Variants in INPP5B observed in about 807,000 individuals in gnomAD.
INPP5B encodes inositol polyphosphate-5-phosphatase B.
In INPP5B, 90 loss-of-function variants were observed where a neutral mutation model predicts 118.5. The observed-to-expected ratio is 0.76, with a 90% CI of 0.64 to 0.90. The LOEUF is 0.90. INPP5B is among the 40% of genes least tolerant of loss of function. INPP5B has a pLI of 0.00. For synonymous variants in INPP5B, 385 were observed against 418.9 expected (o/e 0.92, Z 0.99); for missense variants, 984 against 1,125.6 (o/e 0.87, Z 1.80).
chr1:37,883,617 C>A, intron 13 of INPP5B: 2 of 985,394 alleles, frequency 2.0e-6, no homozygotes, highest in Middle Eastern at 5.2e-4. Flanking sequence ...AAAATTAATG[C>A]ATCCACAAAC....
At chr1:37,874,613 C>T (rs919715118) in intron 17 of INPP5B, among the ~76,000 whole-genome samples, 1 of 152,148 alleles carries the variant, frequency 6.6e-6, no homozygotes, top group Non-Finnish European at 1.5e-5. Flanking sequence ...GCCTGGCCAA[C>T]ATGGCAAAAC....
chr1:37,870,901 T>A (rs911118652), intron 19 of INPP5B, among the ~76,000 whole-genome samples: 3 of 152,186 alleles, frequency 2.0e-5, no homozygotes, highest in African/African-American at 7.2e-5. Context: ...ATGCCTGTAA[T>A]CCCAACACTT....
At chr1:37,927,664 G>A (rs1200153637) in intron 7 of INPP5B, among the ~76,000 whole-genome samples, 1 of 151,598 alleles carries the variant, frequency 6.6e-6, no homozygotes, top group African/African-American at 2.4e-5. Flanking sequence ...AGCCTCCCGA[G>A]TAGCTGGGAC....
intron 7 of INPP5B, among the ~76,000 whole-genome samples, chr1:37,927,819 G>A (rs778775547): frequency 1.3e-5 from 2 of 152,072 alleles, no homozygotes; most frequent in South Asian, 2.1e-4. Flanking sequence ...TTACAGGCGT[G>A]AGCCACTGCG....
Position 37,873,025 on chromosome 1 carries a change from T to C in INPP5B, c.2092A>G (p.Asn698Asp). ...GACCCAAAACAGCTGGGCAGGTAGT[T>C]CCCAGACACAGACAAAAAGTAATCC... ...GKDYFLSVSG[N>D]YLPSCFGSPI... The change falls in exon 19 of 24, where the codon AAC becomes GAC. Residue 698 changes from asparagine (N) to aspartate (D), a missense_variant. Around this residue, in one of 2 missense-constraint regions of INPP5B, gnomAD observed 634 missense variants for 791.0 expected, o/e 0.80. Transcript: ENST00000373024. The C allele has an allele frequency of 6.2e-7, 1 of 1,614,154 alleles. No homozygotes were observed. The highest frequency in any genetic ancestry group is 8.5e-7 in the Non-Finnish European group (1 of 1,180,034).
Position 37,880,240 on chromosome 1 carries a change from C to T in INPP5B, c.1432-46G>A. The T allele has an allele frequency of 2.1e-6, 3 of 1,421,712 alleles. No homozygotes were observed. The South Asian group carries it at 3.5e-5, about 17-fold the overall frequency. The allele number at this position is 1,421,712 out of a possible 1,614,324, so 88.1% of individuals were successfully genotyped here. ...AAAAAAAATATCAGAATAAAAAGGT[C>T]AAACTTTGAATTAGTGGAGAAAAGC... On this transcript the variant is annotated intron_variant, in intron 14 of 23. Transcript: ENST00000373024.
At chr1:37,894,427 TTGTC>T (rs1275329560) in intron 7 of INPP5B, among the ~76,000 whole-genome samples, 2 of 152,170 alleles carry the variant, frequency 1.3e-5, no homozygotes, top group African/African-American at 4.8e-5. Context: ...GGACTAGACT[TTGTC>T]TGATTTATGC....
chr1:37,917,152 G>T (rs556981766), intron 7 of INPP5B, among the ~76,000 whole-genome samples: 2 of 149,814 alleles, frequency 1.3e-5, no homozygotes, highest in Admixed American at 1.3e-4. Flanking sequence ...AGCTGGGCAT[G>T]GTGGTGGGCG....
At position 37,885,956 on chromosome 1, in the gene INPP5B, G is replaced by T. The variant is rs373231953; in HGVS notation, c.1132-131C>A. ...GCACTTTGGGAGTCCGAGGCGGGTG[G>T]ATCATGAGGTCAGGAGTTCAAGACC... On this transcript the variant is annotated intron_variant, in intron 12 of 23. Transcript: ENST00000373024. The T allele has an allele frequency of 1.3e-5, 9 of 716,492 alleles. No homozygotes were observed. The East Asian group carries it at 1.9e-4, about 15-fold the overall frequency. The allele number at this position is 716,492 out of a possible 1,614,324, so 44.4% of individuals were successfully genotyped here.
At chr1:37,885,591 C>G in intron 13 of INPP5B, 47 bp downstream of exon 13, 1 of 1,558,236 alleles carries the variant, frequency 6.4e-7, no homozygotes. Context: ...GAGCCCACAA[C>G]TCTATGTACT....
chr1:37,942,818 G>A (rs1645981470), intron 5 of INPP5B, among the ~76,000 whole-genome samples: 1 of 151,300 alleles, frequency 6.6e-6, no homozygotes, highest in Non-Finnish European at 1.5e-5. Context: ...CAGAGGCAGG[G>A]GAATCACTTG....
chr1:37,946,001 G>T, intron 2 of INPP5B, 151 bp from the exon 3 acceptor site: 1 of 726,844 alleles, frequency 1.4e-6, no homozygotes, highest in Admixed American at 2.7e-5. Context: ...CAGACAAACA[G>T]GCTCTCTAAG....
At chr1:37,938,155 G>C (rs1334501592) in intron 6 of INPP5B, among the ~76,000 whole-genome samples, 1 of 151,790 alleles carries the variant, frequency 6.6e-6, no homozygotes, top group Non-Finnish European at 1.5e-5. Flanking sequence ...GCCTGTACCA[G>C]CTACTCGGGA....
At chr1:37,930,758 G>T (rs1235837722) in intron 7 of INPP5B, 2 of 152,246 alleles carry the variant, frequency 1.3e-5, no homozygotes, top group Middle Eastern at 3.2e-3. Context: ...TGTGCAACAT[G>T]CCACTCCTCC....
At chr1:37,946,230 G>A (rs751500337) in intron 2 of INPP5B, 22 bp downstream of exon 2, 55 of 1,603,266 alleles carry the variant, frequency 3.4e-5, no homozygotes, top group Admixed American at 1.9e-4. Flanking sequence ...GCTCAGGGCC[G>A]CAGTTAGCAC....
intron 7 of INPP5B, chr1:37,930,899 C>T (rs1645430653): frequency 6.6e-6 from 1 of 152,584 alleles, no homozygotes; most frequent in Admixed American, 6.5e-5. Flanking sequence ...CATGCCAAAG[C>T]TCACACATAA....
At chr1:37,896,796 C>T (rs1405214661) in intron 7 of INPP5B, among the ~76,000 whole-genome samples, 1 of 140,206 alleles carries the variant, frequency 7.1e-6, no homozygotes, top group African/African-American at 2.6e-5. Context: ...CAGCCCCCTG[C>T]CCGGCCAGCC....
chr1:37,899,152 G>T (rs1644234636), intron 7 of INPP5B, among the ~76,000 whole-genome samples: 1 of 140,828 alleles, frequency 7.1e-6, no homozygotes, highest in Non-Finnish European at 1.5e-5. Context: ...TTGCACTCCA[G>T]CCTGGGCAAC....
intron 7 of INPP5B, among the ~76,000 whole-genome samples, chr1:37,904,371 T>A (rs1312809387): frequency 6.6e-6 from 1 of 151,998 alleles, no homozygotes; most frequent in African/African-American, 2.4e-5. Context: ...GAATGTGGAT[T>A]TTTTTTTCGC....
Sources: allele counts gnomAD v4.1 joint callset (sites outside exome capture counted in the v4.1 genomes callset), GRCh38; gene constraint gnomAD v4.1.1; regional missense constraint gnomAD v4.1.1; transcripts MANE v1.5; gene names NCBI Gene and HGNC (gene_info 2026-07-23, HGNC 2026-07-21).